MEI4: variants seen among roughly 807,000 people sequenced by gnomAD.
The protein encoded by MEI4 is meiotic double-stranded break formation protein 4, also known as meiosis-specific protein MEI4.
In MEI4, 27 loss-of-function variants were observed where a neutral mutation model predicts 31.4. That is an observed-to-expected ratio of 0.86 (90% confidence interval 0.63 to 1.19). MEI4 has a LOEUF of 1.19. MEI4 is among the 50% of genes most tolerant of loss of function. The pLI is 0.00. For synonymous variants in MEI4, 122 were observed against 145.4 expected (o/e 0.84, Z 1.16); for missense variants, 329 against 398.9 (o/e 0.82, Z 1.49).
intron 4 of MEI4, among the ~76,000 whole-genome samples, chr6:77,911,180 A>G (rs1400500485): frequency 6.6e-6 from 1 of 152,050 alleles, no homozygotes; most frequent in African/African-American, 2.4e-5. Flanking sequence ...ATTTATTTAG[A>G]TAAGTAGTTG....
intron 1 of MEI4, among the ~76,000 whole-genome samples, chr6:77,674,045 G>C (rs1459893576): frequency 1.3e-5 from 2 of 152,186 alleles, no homozygotes; most frequent in Non-Finnish European, 2.9e-5. Flanking sequence ...AGTTCAGAGA[G>C]GTGTTTCAGG....
At position 77,666,272 on chromosome 6, in the gene MEI4, AG is replaced by A. The variant is rs563409343; in HGVS notation, c.-15+13181del. Among the ~76,000 whole-genome samples, 464 of 152,282 alleles carry A rather than the reference AG, an allele frequency of 3.0e-3. 1 individual carries two copies. Among genetic ancestry groups the A allele is most frequent in the South Asian group, 5.8e-3 (28 of 4,832 alleles). On this transcript the variant is annotated intron_variant, in intron 1 of 4. Coordinates refer to ENST00000684080, the MANE Select transcript of MEI4 (RefSeq NM_001322247.2). ...GGGGAGATTACAAAGTACATTGATC[AG>A]TTCATTGATCAGTTAGGGTGGGGCA...
At chr6:77,774,162 G>A (rs1768382552) in intron 3 of MEI4, among the ~76,000 whole-genome samples, 1 of 152,054 alleles carries the variant, frequency 6.6e-6, no homozygotes, top group Non-Finnish European at 1.5e-5. Context: ...ACTGCTAGGT[G>A]TATACCCAGA....
At chr6:77,907,756 G>A (rs1179385691) in intron 4 of MEI4, among the ~76,000 whole-genome samples, 1 of 152,050 alleles carries the variant, frequency 6.6e-6, no homozygotes, top group Admixed American at 6.6e-5. Context: ...CTACTTTACA[G>A]TCCCACCAAC....
intron 3 of MEI4, among the ~76,000 whole-genome samples, chr6:77,817,648 T>A (rs1251293163): frequency 6.6e-6 from 1 of 152,060 alleles, no homozygotes; most frequent in Non-Finnish European, 1.5e-5. Context: ...TTACTATATA[T>A]TAAAAATTAT....
intron 1 of MEI4, among the ~76,000 whole-genome samples, chr6:77,688,419 A>G (rs772192365): frequency 1.3e-5 from 2 of 152,026 alleles, no homozygotes; most frequent in Non-Finnish European, 2.9e-5. Context: ...CAGACAAATG[A>G]CCCTGACCTT....
chr6:77,804,707 TC>T lies in MEI4; in HGVS notation c.769-24221del, dbSNP rs778038291. On this transcript the variant is annotated intron_variant, in intron 3 of 4. Coordinates refer to ENST00000684080, the MANE Select transcript of MEI4 (RefSeq NM_001322247.2). ...TGAGTATACTGATATCCAGGATCTT[TC>T]CCAGAAAAATGAAAATATCTACGTG... is the stretch of plus-strand genomic sequence containing the variant. 6.8e-4 allele frequency among the ~76,000 whole-genome samples: 104 copies of T among 152,276 alleles called. No homozygotes were observed. The Middle Eastern group carries it at 0.017, about 25-fold the overall frequency.
chr6:77,749,688 AC>A (rs1040804095), intron 2 of MEI4, among the ~76,000 whole-genome samples: 1 of 152,226 alleles, frequency 6.6e-6, no homozygotes, highest in African/African-American at 2.4e-5. Flanking sequence ...AAGTTGGAAA[AC>A]AATCTTCAGG....
chr6:77,842,669 T>C (rs2127715343), intron 4 of MEI4, among the ~76,000 whole-genome samples: 1 of 152,188 alleles, frequency 6.6e-6, no homozygotes, highest in Non-Finnish European at 1.5e-5. Context: ...TTCCAAATTA[T>C]AAGCATTCTT....
intron 3 of MEI4, among the ~76,000 whole-genome samples, chr6:77,789,804 G>A (rs1294471018): frequency 6.6e-6 from 1 of 152,168 alleles, no homozygotes; most frequent in Non-Finnish European, 1.5e-5. Flanking sequence ...TACACTGTTG[G>A]TGGGACTGTA....
intron 4 of MEI4, among the ~76,000 whole-genome samples, chr6:77,914,413 T>G (rs1008428585): frequency 2.6e-5 from 4 of 152,134 alleles, no homozygotes; most frequent in Non-Finnish European, 5.9e-5. Context: ...AAAGTTCTTC[T>G]TTTTACTGAT....
chr6:77,791,325 T>A (rs1325686323), intron 3 of MEI4, among the ~76,000 whole-genome samples: 1 of 151,892 alleles, frequency 6.6e-6, no homozygotes, highest in South Asian at 2.1e-4. Flanking sequence ...ATGTGGCACA[T>A]ATACACCATG....
chr6:77,873,451 G>C, intron 4 of MEI4, among the ~76,000 whole-genome samples: 1 of 148,642 alleles, frequency 6.7e-6, no homozygotes, highest in South Asian at 2.1e-4. Context: ...TGATGGGGTT[G>C]TTTGTTTTTT....
At chr6:77,910,941 T>C (rs75805077) in intron 4 of MEI4, among the ~76,000 whole-genome samples, 1 of 144,494 alleles carries the variant, frequency 6.9e-6, no homozygotes, top group Non-Finnish European at 1.5e-5. Context: ...TTTTTTTTTT[T>C]TGTCTTCTTA....
chr6:77,711,626 C>G (rs1766468823), intron 2 of MEI4, among the ~76,000 whole-genome samples: 1 of 152,154 alleles, frequency 6.6e-6, no homozygotes, highest in Admixed American at 6.5e-5. Flanking sequence ...GCTGCTGGCA[C>G]AGCTGGGTTT....
At chr6:77,801,888 C>T (rs550696962) in intron 3 of MEI4, among the ~76,000 whole-genome samples, 1 of 152,266 alleles carries the variant, frequency 6.6e-6, no homozygotes, top group African/African-American at 2.4e-5. Flanking sequence ...GAGTGCTTTG[C>T]TTCCAAATAT....
intron 2 of MEI4, among the ~76,000 whole-genome samples, chr6:77,735,075 C>T (rs1767145676): frequency 6.6e-6 from 1 of 152,020 alleles, no homozygotes; most frequent in Admixed American, 6.6e-5. Context: ...ACGTTTTTTC[C>T]TTCATTTCTA....
In MEI4 at chr6:77,891,076, G is replaced by T. The variant is rs1250520877; in HGVS notation, c.901-32013G>T. On this transcript the variant is annotated intron_variant, in intron 4 of 4. Transcript: ENST00000684080. ...TTTCTTGCTGTTTTTAGAATTATTT[G>T]TCTTTTACTTTTGACAGTTTTACTC... Among the ~76,000 whole-genome samples the T allele has an allele frequency of 3.9e-5, 6 of 152,176 alleles. No individual in the cohort carries two copies. In the South Asian group the frequency reaches 1.2e-3, roughly 32 times the overall value.
At chr6:77,901,625 G>T (rs1389325630) in intron 4 of MEI4, among the ~76,000 whole-genome samples, 2 of 151,762 alleles carry the variant, frequency 1.3e-5, no homozygotes, top group Non-Finnish European at 2.9e-5. Context: ...CCTTTATCAG[G>T]TATATGATTT....
Sources: gnomAD v4.1 joint callset for allele counts (sites outside exome capture counted in the v4.1 genomes callset) on GRCh38, gnomAD v4.1.1 for gene constraint, MANE v1.5 for transcripts, NCBI Gene and HGNC (gene_info 2026-07-23, HGNC 2026-07-21) for gene names.